The following DNAH3 variants were observed in gnomAD, a reference collection of about 807,000 sequenced individuals.
DNAH3 encodes the protein axonemal beta dynein heavy chain 3.
DNAH3 carries 332 observed loss-of-function variants against 432.5 expected under a neutral mutation model. The observed-to-expected ratio is 0.77, with a 90% CI of 0.70 to 0.84. DNAH3 has a LOEUF of 0.84. Among genes scored for constraint, DNAH3 ranks in the 40% least tolerant of loss-of-function variants. The probability of loss-of-function intolerance (pLI) is 0.00; values close to 1 mark genes in which losing one functional copy is unlikely to be tolerated. For missense variants in DNAH3, 4,861 were observed against 5,114.0 expected (o/e 0.95, Z 1.51); for synonymous variants, 1,956 against 1,900.2 (o/e 1.03, Z -0.76).
chr16:20,981,452 G>A (rs188705311), intron 49 of DNAH3, among the ~76,000 whole-genome samples: 377 of 152,254 alleles, frequency 2.5e-3, no homozygotes, highest in African/African-American at 8.8e-3. Flanking sequence ...CAGTGATTGA[G>A]CCTGGGTGCG....
chr16:20,964,541 G>C (rs1050626244), exon 53 of DNAH3: 20 of 1,614,142 alleles, frequency 1.2e-5, no homozygotes, highest in Non-Finnish European at 1.7e-5. Flanking sequence ...GCGTTTTCCA[G>C]CATCCTCATG....
At chr16:21,103,474 A>T (rs2091884768) in intron 16 of DNAH3, among the ~76,000 whole-genome samples, 1 of 152,046 alleles carries the variant, frequency 6.6e-6, no homozygotes. Context: ...ACACAAATCA[A>T]TTCCTTCCAT....
chr16:21,092,354 C>T (rs996334651), intron 18 of DNAH3, among the ~76,000 whole-genome samples: 4 of 151,662 alleles, frequency 2.6e-5, no homozygotes, highest in African/African-American at 9.7e-5. Context: ...AGAGCAAAGG[C>T]AATATAATAG....
At chr16:21,030,768 A>G (rs942643108) in intron 37 of DNAH3, among the ~76,000 whole-genome samples, 5 of 152,234 alleles carry the variant, frequency 3.3e-5, no homozygotes, top group Admixed American at 2.0e-4. Context: ...AGTACAACAC[A>G]GCTCAGTTGC....
At chr16:21,021,218 G>T (rs549649482) in intron 40 of DNAH3, among the ~76,000 whole-genome samples, 3 of 152,336 alleles carry the variant, frequency 2.0e-5, no homozygotes, top group Admixed American at 2.0e-4. Flanking sequence ...ATCTGATCAA[G>T]TCTCTGCTTT....
chr16:21,144,923 G>T (rs1208010531), intron 3 of DNAH3, among the ~76,000 whole-genome samples: 1 of 151,886 alleles, frequency 6.6e-6, no homozygotes, highest in African/African-American at 2.4e-5. Flanking sequence ...TTTGAGACCA[G>T]CCTGGCCAAC....
At chr16:20,945,810 C>T (rs1228296361) in intron 57 of DNAH3, among the ~76,000 whole-genome samples, 2 of 152,122 alleles carry the variant, frequency 1.3e-5, no homozygotes, top group African/African-American at 2.4e-5. Flanking sequence ...TCTTAATTAA[C>T]TTGCTTTTGT....
chr16:21,041,892 C>T (rs953354513), intron 32 of DNAH3, 135 bp downstream of exon 32: 17 of 951,396 alleles, frequency 1.8e-5, no homozygotes, highest in African/African-American at 1.2e-4. Context: ...AGGCTGATCT[C>T]GAGCTCCTGA....
At chr16:20,944,584 G>C in exon 58 of DNAH3, 2 of 1,614,138 alleles carry the variant, frequency 1.2e-6, no homozygotes, top group African/African-American at 2.7e-5. Context: ...GTTGTCTTTG[G>C]TGATGTCTGC....
At chr16:21,045,653 G>GT (rs2089660889) in intron 31 of DNAH3, among the ~76,000 whole-genome samples, 1 of 148,258 alleles carries the variant, frequency 6.7e-6, no homozygotes, top group African/African-American at 2.5e-5. Context: ...TTTTTGAAGG[G>GT]TTTTTTGTGT....
intron 60 of DNAH3, among the ~76,000 whole-genome samples, chr16:20,935,926 G>A (rs972851359): frequency 5.9e-5 from 9 of 151,882 alleles, no homozygotes; most frequent in African/African-American, 2.2e-4. Context: ...TGGAGAATAT[G>A]TACCTTGTCT....
intron 19 of DNAH3, among the ~76,000 whole-genome samples, chr16:21,086,452 T>C (rs2091374367): frequency 6.6e-6 from 1 of 152,186 alleles, no homozygotes; most frequent in Admixed American, 6.5e-5. Flanking sequence ...CAGGGAGAGA[T>C]GTGACTTTCT....
At chr16:20,993,956 A>G (rs185084883) in intron 44 of DNAH3, among the ~76,000 whole-genome samples, 90 of 152,316 alleles carry the variant, frequency 5.9e-4, no homozygotes, top group African/African-American at 2.1e-3. Context: ...CTCTTCCAGT[A>G]TGTAATTCTC....
At chr16:21,141,324 G>C in exon 4 of DNAH3, 1 of 1,591,802 alleles carries the variant, frequency 6.3e-7, no homozygotes, top group Non-Finnish European at 8.6e-7. Context: ...TTTGTTTCTG[G>C]AGGAAAACTT....
chr16:20,978,036 T>C (rs1016902828), intron 50 of DNAH3, among the ~76,000 whole-genome samples: 1 of 152,236 alleles, frequency 6.6e-6, no homozygotes, highest in African/African-American at 2.4e-5. Context: ...CAATGTTCTT[T>C]GGTCTTTATT....
intron 3 of DNAH3, among the ~76,000 whole-genome samples, chr16:21,144,957 A>G (rs2092763617): frequency 6.6e-6 from 1 of 151,942 alleles, no homozygotes; most frequent in Non-Finnish European, 1.5e-5. Flanking sequence ...ATCTCTACTA[A>G]AAATACAAAA....
chr16:21,020,348 G>GTGTGTATATATATATATA, intron 40 of DNAH3, among the ~76,000 whole-genome samples: 191 of 69,020 alleles, frequency 2.8e-3, no homozygotes, highest in South Asian at 5.1e-3. Context: ...TATAGTGTGT[G>GTGTGTATATATATATATA]TATATATATA....
intron 39 of DNAH3, among the ~76,000 whole-genome samples, chr16:21,023,879 G>A (rs892550483): frequency 4.0e-5 from 6 of 151,874 alleles, no homozygotes; most frequent in Non-Finnish European, 8.8e-5. Flanking sequence ...ATCCATGTAT[G>A]TAGGTGATGA....
rs548875431 is a variant in DNAH3, at chr16:21,057,226, T to G, written c.3924+860A>C. Among the ~76,000 whole-genome samples, 5 of 152,246 alleles carry G rather than the reference T, an allele frequency of 3.3e-5. No homozygotes were observed. In the East Asian group the frequency reaches 9.6e-4, roughly 29 times the overall value. ...GAGTTCGAGACCACCCTGGCCAACA[T>G]AGTGAGACCCCCGTCTCTAGTTTAA... On this transcript the variant is annotated intron_variant, in intron 27 of 61. Coordinates refer to ENST00000261383, the Ensembl canonical transcript of DNAH3.
Sources: gnomAD v4.1 joint callset for allele counts (sites outside exome capture counted in the v4.1 genomes callset) on GRCh38, gnomAD v4.1.1 for gene constraint, MANE v1.5 for transcripts, NCBI Gene and HGNC (gene_info 2026-07-23, HGNC 2026-07-21) for gene names.